The following ST8SIA4 variants were observed in gnomAD, a reference collection of about 807,000 sequenced individuals.
ST8SIA4 encodes CMP-N-acetylneuraminate-poly-alpha-2,8-sialyltransferase.
ST8SIA4 carries 15 observed loss-of-function variants against 33.9 expected under a neutral mutation model. The observed-to-expected ratio is 0.44, with a 90% CI of 0.30 to 0.68. The LOEUF is 0.68. ST8SIA4 is among the 30% of genes least tolerant of loss of function. ST8SIA4 has a pLI of 0.10. For synonymous variants in ST8SIA4, 171 were observed against 151.2 expected, an observed-to-expected ratio of 1.13 and a Z score of -0.96; for missense variants, 321 against 428.0, an observed-to-expected ratio of 0.75 and a Z score of 2.21.
intron 2 of ST8SIA4, among the ~76,000 whole-genome samples, chr5:100,889,190 T>C (rs1020291603): frequency 1.3e-5 from 2 of 151,922 alleles, no homozygotes; most frequent in African/African-American, 2.4e-5. Context: ...TATACAGAAT[T>C]TTTTGTATAT....
chr5:100,840,847 GAAGA>G (rs1751456798), intron 4 of ST8SIA4, among the ~76,000 whole-genome samples: 1 of 151,248 alleles, frequency 6.6e-6, no homozygotes, highest in Non-Finnish European at 1.5e-5. Context: ...AAAAACAAAT[GAAGA>G]TAGTTTGTTT....
At chr5:100,844,908 T>G (rs1751536125) in intron 4 of ST8SIA4, among the ~76,000 whole-genome samples, 1 of 152,054 alleles carries the variant, frequency 6.6e-6, no homozygotes. Flanking sequence ...GACTCTTTCT[T>G]TGATCTCTTA....
intron 1 of ST8SIA4, 101 bp downstream of exon 1, chr5:100,902,742 C>A: frequency 9.6e-7 from 1 of 1,044,892 alleles, no homozygotes; most frequent in Non-Finnish European, 1.5e-6. Context: ...CAAGCTCAAA[C>A]AAACACACAT....
At chr5:100,895,601 A>C in intron 2 of ST8SIA4, 53 bp downstream of exon 2, 2 of 1,567,354 alleles carry the variant, frequency 1.3e-6, no homozygotes, top group Non-Finnish European at 8.7e-7. Flanking sequence ...GCCAAGCCCA[A>C]CGTATTTGAG....
intron 3 of ST8SIA4, among the ~76,000 whole-genome samples, chr5:100,875,406 A>G (rs963049376): frequency 2.0e-5 from 3 of 152,210 alleles, no homozygotes; most frequent in Non-Finnish European, 4.4e-5. Context: ...TTATCCTGAC[A>G]TATCTCAAAG....
At chr5:100,834,856 T>G (rs780917458) in intron 4 of ST8SIA4, among the ~76,000 whole-genome samples, 1 of 152,160 alleles carries the variant, frequency 6.6e-6, no homozygotes, top group Non-Finnish European at 1.5e-5. Context: ...CAGATGCTGG[T>G]GCCATGATTC....
At chr5:100,835,255 A>G (rs1039867335) in intron 4 of ST8SIA4, among the ~76,000 whole-genome samples, 2 of 152,108 alleles carry the variant, frequency 1.3e-5, no homozygotes, top group Admixed American at 6.6e-5. Context: ...GAGTTAATCA[A>G]TTTTCCATGG....
At chr5:100,871,424 T>C (rs1752195783) in intron 3 of ST8SIA4, among the ~76,000 whole-genome samples, 1 of 152,144 alleles carries the variant, frequency 6.6e-6, no homozygotes, top group Non-Finnish European at 1.5e-5. Flanking sequence ...TGAAGACATA[T>C]ATATCTTCAC....
intron 3 of ST8SIA4, among the ~76,000 whole-genome samples, chr5:100,857,745 A>G (rs1751848808): frequency 6.6e-6 from 1 of 152,008 alleles, no homozygotes; most frequent in African/African-American, 2.4e-5. Flanking sequence ...ATCTCTCTTA[A>G]TTAATATATC....
At chr5:100,822,641 A>C (rs908151621) in intron 4 of ST8SIA4, among the ~76,000 whole-genome samples, 2 of 152,236 alleles carry the variant, frequency 1.3e-5, no homozygotes, top group Non-Finnish European at 2.9e-5. Flanking sequence ...TCACATTAAC[A>C]AAATCAGGTC....
chr5:100,827,235 ATAACT>A (rs1403148976), intron 4 of ST8SIA4, among the ~76,000 whole-genome samples: 2 of 152,218 alleles, frequency 1.3e-5, no homozygotes, highest in African/African-American at 2.4e-5. Flanking sequence ...TAAATATAAA[ATAACT>A]TAAATCTACG....
intron 2 of ST8SIA4, among the ~76,000 whole-genome samples, chr5:100,888,375 C>A (rs55776301): frequency 6.6e-6 from 1 of 151,692 alleles, no homozygotes; most frequent in Non-Finnish European, 1.5e-5. Flanking sequence ...AAACTATGAA[C>A]CTGGCCTACA....
intron 1 of ST8SIA4, among the ~76,000 whole-genome samples, chr5:100,901,427 T>C (rs2112489828): frequency 6.6e-6 from 1 of 152,234 alleles, no homozygotes; most frequent in African/African-American, 2.4e-5. Flanking sequence ...CATGCGCCCA[T>C]TCATCACCTT....
At chr5:100,853,980 T>C (rs1751757178) in intron 4 of ST8SIA4, among the ~76,000 whole-genome samples, 2 of 19,258 alleles carry the variant, frequency 1.0e-4, no homozygotes. Flanking sequence ...TGTTTGTGTG[T>C]GTGTATGTGT....
intron 4 of ST8SIA4, among the ~76,000 whole-genome samples, chr5:100,813,302 A>G (rs2112394575): frequency 6.6e-6 from 1 of 152,158 alleles, no homozygotes; most frequent in African/African-American, 2.4e-5. Flanking sequence ...CAAAACAGGG[A>G]AAATATACCT....
At chr5:100,896,187 T>C (rs1752776420) in intron 1 of ST8SIA4, among the ~76,000 whole-genome samples, 1 of 151,940 alleles carries the variant, frequency 6.6e-6, no homozygotes, top group African/African-American at 2.4e-5. Context: ...AGCTAAGATA[T>C]AGAAATAATA....
intron 4 of ST8SIA4, among the ~76,000 whole-genome samples, chr5:100,843,988 G>A (rs1300437406): frequency 6.6e-6 from 1 of 151,808 alleles, no homozygotes. Context: ...TTATATTGAA[G>A]CAAGGTCTTA....
intron 4 of ST8SIA4, among the ~76,000 whole-genome samples, chr5:100,845,229 T>C (rs776742701): frequency 7.2e-5 from 11 of 151,954 alleles, no homozygotes; most frequent in Non-Finnish European, 1.3e-4. Flanking sequence ...CTTGTATCAT[T>C]TGAAGAAGAT....
At chr5:100,842,111 A>AT (rs1489259418) in intron 4 of ST8SIA4, among the ~76,000 whole-genome samples, 1 of 151,924 alleles carries the variant, frequency 6.6e-6, no homozygotes, top group East Asian at 1.9e-4. Flanking sequence ...CTTCAATAGA[A>AT]TTTTTTAATG....
Sources: allele counts gnomAD v4.1 joint callset (sites outside exome capture counted in the v4.1 genomes callset), GRCh38; gene constraint gnomAD v4.1.1; transcripts MANE v1.5; gene names NCBI Gene and HGNC (gene_info 2026-07-23, HGNC 2026-07-21).